AKIRIN1: variants seen among roughly 807,000 people sequenced by gnomAD.
AKIRIN1 encodes the protein akirin 1.
In AKIRIN1, 4 loss-of-function variants were observed where a neutral mutation model predicts 25.9. The ratio of observed to expected loss-of-function variants is 0.15; its 90% CI spans 0.08 to 0.35. The LOEUF is 0.35. AKIRIN1 is among the 10% of genes least tolerant of loss of function. AKIRIN1 has a pLI of 1.00. For synonymous variants in AKIRIN1, 125 were observed against 105.1 expected, an observed-to-expected ratio of 1.19 and a Z score of -1.16; for missense variants, 243 against 266.1, an observed-to-expected ratio of 0.91 and a Z score of 0.61.
Position 38,991,556 on chromosome 1 carries a change from A to T in AKIRIN1, c.176A>T (p.Gln59Leu). ...ACGCAGACCCCACCGCAGAGTCTGC[A>T]GCAGCCCGCCCCGCCCGGCAGCGAG... ...FQTQTPPQSL[Q>L]QPAPPGSERR... Residue 59 changes from glutamine to leucine, a missense_variant, in exon 1 of 5, where the codon CAG becomes CTG. Physicochemically the swap from Gln to Leu is moderately radical, Grantham distance 113 (BLOSUM62 -2). Transcript: ENST00000432648. 1 of 1,402,464 alleles carries T rather than the reference A, an allele frequency of 7.1e-7. No individual in the cohort carries two copies. The highest frequency in any genetic ancestry group is 3.0e-5 in the East Asian group (1 of 32,946). The allele number at this position is 1,402,464 out of a possible 1,614,324, so 86.9% of individuals were successfully genotyped here.
chr1:39,000,810 C>A (rs1643985030), intron 2 of AKIRIN1, among the ~76,000 whole-genome samples, 162 bp from the exon 3 acceptor site: 1 of 152,082 alleles, frequency 6.6e-6, no homozygotes, highest in Non-Finnish European at 1.5e-5. Context: ...GCATGCCCTA[C>A]CACGCCCAGC....
At chr1:38,996,412 C>G (rs951140221) in intron 1 of AKIRIN1, among the ~76,000 whole-genome samples, 1 of 151,698 alleles carries the variant, frequency 6.6e-6, no homozygotes, top group Non-Finnish European at 1.5e-5. Context: ...AATACTGGGT[C>G]TCGTTATGTT....
chr1:39,001,255 C>T (rs1422241129), intron 3 of AKIRIN1, 149 bp downstream of exon 3: 20 of 648,828 alleles, frequency 3.1e-5, no homozygotes, highest in Non-Finnish European at 4.7e-5. Context: ...TGATTGTAAA[C>T]ACATCATTTA....
intron 2 of AKIRIN1, among the ~76,000 whole-genome samples, chr1:38,999,296 G>C (rs188178295): frequency 6.6e-6 from 1 of 152,164 alleles, no homozygotes; most frequent in Non-Finnish European, 1.5e-5. Context: ...TATAAACTGG[G>C]GTTTGCCCGG....
At chr1:38,998,009 C>T (rs535305473) in intron 1 of AKIRIN1, among the ~76,000 whole-genome samples, 162 bp from the exon 2 acceptor site, 1 of 152,070 alleles carries the variant, frequency 6.6e-6, no homozygotes. Context: ...ACGGTATAAA[C>T]GTTTTGCTTG....
chr1:38,992,493 G>A (rs993348904), intron 1 of AKIRIN1, among the ~76,000 whole-genome samples: 13 of 152,110 alleles, frequency 8.5e-5, no homozygotes, highest in African/African-American at 3.1e-4. Flanking sequence ...TCAAGCTTAA[G>A]CAAAACCTTA....
chr1:38,997,301 T>C (rs1311578881), intron 1 of AKIRIN1, among the ~76,000 whole-genome samples: 1 of 152,146 alleles, frequency 6.6e-6, no homozygotes, highest in Non-Finnish European at 1.5e-5. Flanking sequence ...TGGGCTCCCT[T>C]TAATAGTGTT....
In AKIRIN1 at chr1:38,991,320, A is replaced by T; in HGVS notation, c.-61A>T. On this transcript the variant is annotated 5_prime_UTR_variant, in exon 1 of 5. Coordinates refer to ENST00000432648, the MANE Select transcript of AKIRIN1 (RefSeq NM_024595.3). The stretch of plus-strand genomic sequence containing the variant: ...CCGGCTTGGCTGGCGAGCCCGGCTG[A>T]GGAGCCTCTTGGGCCGCACTTACCG... 1 of 1,287,010 alleles carries T rather than the reference A, an allele frequency of 7.8e-7. No individual in the cohort carries two copies. Among genetic ancestry groups the T allele is most frequent in the African/African-American group, 1.6e-5 (1 of 64,298 alleles). The allele number at this position is 1,287,010 out of a possible 1,614,324, so 79.7% of individuals were successfully genotyped here. A position where few individuals can be genotyped will look rare whatever the true frequency, so the allele number is the denominator to read the frequency against.
intron 2 of AKIRIN1, among the ~76,000 whole-genome samples, chr1:39,000,292 A>T (rs1241332725): frequency 6.6e-6 from 1 of 151,654 alleles, no homozygotes; most frequent in East Asian, 1.9e-4. Context: ...CTCTGTACTG[A>T]ATTCAAATCT....
intron 3 of AKIRIN1, among the ~76,000 whole-genome samples, chr1:39,001,515 C>T (rs1236434077): frequency 1.3e-5 from 2 of 152,090 alleles, no homozygotes; most frequent in Admixed American, 1.3e-4. Flanking sequence ...ATCCGCCCAC[C>T]TTGACCTCCC....
rs72660032 is a variant in AKIRIN1, at chr1:38,999,415, T to C, written c.361+1104T>C. Among the ~76,000 whole-genome samples, 16 of 152,338 alleles carry C rather than the reference T, an allele frequency of 1.1e-4. No individual in the cohort carries two copies. In the Middle Eastern group the frequency reaches 0.014, roughly 130 times the overall value. On this transcript the variant is annotated intron_variant, in intron 2 of 4. Transcript: ENST00000432648. Reference sequence around the variant, plus strand: ...TAGAAGTGGTGGTAGTAGTGTAACATTTTGATTATGCTAAATGCCACTGAC... The same window carrying C: ...TAGAAGTGGTGGTAGTAGTGTAACACTTTGATTATGCTAAATGCCACTGAC...
intron 4 of AKIRIN1, among the ~76,000 whole-genome samples, chr1:39,003,672 A>G (rs1441329766): frequency 6.6e-6 from 1 of 152,224 alleles, no homozygotes; most frequent in African/African-American, 2.4e-5. Flanking sequence ...TTATACAGCT[A>G]GTGGTTCAGC....
At position 38,991,352 on chromosome 1, in the gene AKIRIN1, C is replaced by G; in HGVS notation, c.-29C>G. On this transcript the variant is annotated 5_prime_UTR_variant, in exon 1 of 5. Transcript: ENST00000432648. ...TCTTGGGCCGCACTTACCGCCGCGT[C>G]CGCTCCCGGTCCCTGGCCCCTCAGC... is the stretch of plus-strand genomic sequence containing the variant. 3 of 1,336,594 alleles carry G rather than the reference C, an allele frequency of 2.2e-6. No individual in the cohort carries two copies. Among genetic ancestry groups the G allele is most frequent in the South Asian group, 1.8e-5 (1 of 54,334 alleles). The allele number at this position is 1,336,594 out of a possible 1,614,324, so 82.8% of individuals were successfully genotyped here.
intron 4 of AKIRIN1, 133 bp downstream of exon 4, chr1:39,003,551 C>A (rs1644010673): frequency 1.8e-5 from 14 of 780,858 alleles, no homozygotes; most frequent in Non-Finnish European, 2.9e-5. Context: ...AGTATTAAAT[C>A]CACACCAAAG....
chr1:39,003,340 C>T lies in AKIRIN1; in HGVS notation c.497-7C>T. 13 of 1,613,136 alleles carry T rather than the reference C, an allele frequency of 8.1e-6. No homozygotes were observed. The highest frequency in any genetic ancestry group is 1.7e-5 in the Admixed American group (1 of 59,954). On this transcript the variant is annotated splice_polypyrimidine_tract_variant and splice_region_variant and intron_variant, in intron 3 of 4. Transcript: ENST00000432648. ...GCTGAGGATAAGTATGTACTGTCTT[C>T]TCACAGAACAATATGAATCTTTTGT...
chr1:39,001,644 G>A (rs1034367978), intron 3 of AKIRIN1, among the ~76,000 whole-genome samples: 5 of 152,122 alleles, frequency 3.3e-5, no homozygotes, highest in African/African-American at 1.2e-4. Context: ...GCCTCAAGAA[G>A]TACTCCACCT....
chr1:39,004,200 T>G lies in AKIRIN1; in HGVS notation c.*145T>G. On this transcript the variant is annotated 3_prime_UTR_variant, in exon 5 of 5. Coordinates refer to ENST00000432648, the MANE Select transcript of AKIRIN1 (RefSeq NM_024595.3). ...TTTCTGCAGGTCCATTTTATACAACTTGAAAGACCGTAAAACTTTCTGGTT... is the reference window on the plus strand; with the variant it reads ...TTTCTGCAGGTCCATTTTATACAACGTGAAAGACCGTAAAACTTTCTGGTT... 1.1e-6 allele frequency: 1 copy of G among 901,608 alleles called. No homozygotes were observed. Among genetic ancestry groups the G allele is most frequent in the Non-Finnish European group, 1.8e-6 (1 of 541,634 alleles). The allele number at this position is 901,608 out of a possible 1,614,324, so 55.9% of individuals were successfully genotyped here.
chr1:39,000,894 G>C, intron 2 of AKIRIN1, 78 bp from the exon 3 acceptor site: 1 of 1,467,372 alleles, frequency 6.8e-7, no homozygotes, highest in Non-Finnish European at 9.1e-7. Context: ...TGATCCGCCT[G>C]CCTTGGCCTC....
chr1:38,998,236 G>A lies in AKIRIN1; in HGVS notation c.286G>A (p.Val96Ile). The change falls in exon 2 of 5, where the codon GTT becomes ATT. Residue 96 changes from valine (V) to isoleucine (I), a missense_variant. Val to Ile is a conservative substitution (Grantham distance 29). Around this residue, in one of 3 missense-constraint regions of AKIRIN1, gnomAD observed 190 missense variants for 174.4 expected, o/e 1.09. Transcript: ENST00000432648. ...RYQRWRHLEVVLNQSEACASE... is the reference protein window; with the variant it reads ...RYQRWRHLEVILNQSEACASE... ...TCAGAGGTGGAGACATTTAGAAGTT[G>A]TTCTTAATCAGAGTGAAGCTTGTGC... 1 of 1,613,946 alleles carries A rather than the reference G, an allele frequency of 6.2e-7. No homozygotes were observed. The highest frequency in any genetic ancestry group is 1.1e-5 in the South Asian group (1 of 91,058).
Sources: allele counts gnomAD v4.1 joint callset (sites outside exome capture counted in the v4.1 genomes callset), GRCh38; gene constraint gnomAD v4.1.1; regional missense constraint gnomAD v4.1.1; transcripts MANE v1.5; gene names NCBI Gene and HGNC (gene_info 2026-07-23, HGNC 2026-07-21).